TFEC: variants seen among roughly 807,000 people sequenced by gnomAD.
TFEC encodes the protein class E basic helix-loop-helix protein 34.
In TFEC, 31 loss-of-function variants were observed where a neutral mutation model predicts 41.6. The ratio of observed to expected loss-of-function variants is 0.74; its 90% CI spans 0.56 to 1.01. The LOEUF is 1.01. Among genes scored for constraint, TFEC ranks in the 50% least tolerant of loss-of-function variants. TFEC has a pLI of 0.00. For missense variants in TFEC, 402 were observed against 404.1 expected (o/e 0.99, Z 0.04); for synonymous variants, 143 against 140.6 (o/e 1.02, Z -0.12).
intron 1 of TFEC, among the ~76,000 whole-genome samples, chr7:115,993,588 G>A (rs1314857692): frequency 1.3e-5 from 2 of 152,150 alleles, no homozygotes; most frequent in African/African-American, 4.8e-5. Context: ...GCCAAACCAT[G>A]AGTGAACTCC....
chr7:116,091,992 C>A (rs187175890), intron 3 of TFEC, among the ~76,000 whole-genome samples: 4 of 152,216 alleles, frequency 2.6e-5, no homozygotes, highest in East Asian at 1.9e-4. Flanking sequence ...CCAACTTTAG[C>A]CCAGAGCAAA....
chr7:116,051,078 A>T (rs1055229295), intron 3 of TFEC, among the ~76,000 whole-genome samples: 2 of 152,154 alleles, frequency 1.3e-5, no homozygotes, highest in South Asian at 4.1e-4. Flanking sequence ...GTCCTCGCTC[A>T]TAGGTGGGAA....
intron 1 of TFEC, among the ~76,000 whole-genome samples, chr7:115,995,768 C>T (rs1794341139): frequency 2.0e-5 from 3 of 152,120 alleles, no homozygotes; most frequent in Admixed American, 2.0e-4. Flanking sequence ...TATCTGTGCT[C>T]TTGGGGGAGA....
At chr7:115,994,332 C>A (rs919174531) in intron 1 of TFEC, among the ~76,000 whole-genome samples, 2 of 146,698 alleles carry the variant, frequency 1.4e-5, no homozygotes, top group African/African-American at 4.9e-5. Flanking sequence ...AAAGCAATGG[C>A]AACAAAAGCC....
At position 116,156,518 on chromosome 7, in the gene TFEC, T is replaced by C. The variant is rs185501490; in HGVS notation, c.-69+3272A>G. 2.0e-3 allele frequency among the ~76,000 whole-genome samples: 302 copies of C among 152,312 alleles called. No homozygotes were observed. In the Middle Eastern group the frequency reaches 0.02, roughly 10 times the overall value. On this transcript the variant is annotated intron_variant, in intron 1 of 8. Transcript: ENST00000484212. Reference sequence around the variant, plus strand: ...GAATAATTTATTTCATGTGGGCTTCTCCATAACTACACCCATCCTCAGCCT... The same window carrying C: ...GAATAATTTATTTCATGTGGGCTTCCCCATAACTACACCCATCCTCAGCCT...
At chr7:116,034,870 C>A (rs948668710), upstream of TFEC, among the ~76,000 whole-genome samples, 1 of 151,986 alleles carries the variant, frequency 6.6e-6, no homozygotes, top group Non-Finnish European at 1.5e-5. Flanking sequence ...CCTCCTTTAA[C>A]TCTTTGTGGA....
intron 1 of TFEC, among the ~76,000 whole-genome samples, chr7:116,154,083 A>G (rs983507248): frequency 2.0e-5 from 3 of 152,214 alleles, no homozygotes; most frequent in Non-Finnish European, 4.4e-5. Flanking sequence ...GCCTTGAAAC[A>G]GACATTAAGA....
chr7:115,941,010 C>T, intron 7 of TFEC, 79 bp from the exon 8 acceptor site: 6 of 1,315,140 alleles, frequency 4.6e-6, no homozygotes, highest in Non-Finnish European at 6.2e-6. Context: ...GACATAGAAT[C>T]AAAATATTAA....
chr7:115,961,403 A>C (rs1173570278), intron 3 of TFEC, among the ~76,000 whole-genome samples: 2 of 151,378 alleles, frequency 1.3e-5, no homozygotes, highest in African/African-American at 4.9e-5. Context: ...AGAATATGGC[A>C]AAACAATGCT....
At chr7:116,105,330 A>ATGTT (rs1365902318) in intron 3 of TFEC, among the ~76,000 whole-genome samples, 3 of 152,218 alleles carry the variant, frequency 2.0e-5, no homozygotes, top group Non-Finnish European at 4.4e-5. Flanking sequence ...GCTTTAATAA[A>ATGTT]AGTAAATGTT....
At chr7:116,114,477 G>A (rs530958516) in intron 1 of TFEC, among the ~76,000 whole-genome samples, 4 of 152,122 alleles carry the variant, frequency 2.6e-5, no homozygotes, top group South Asian at 2.1e-4. Flanking sequence ...AAGGGCAAGC[G>A]TAAGGGGGAT....
At position 116,152,358 on chromosome 7, in the gene TFEC, A is replaced by G. The variant is rs555254096; in HGVS notation, c.-69+7432T>C. 3.3e-5 allele frequency among the ~76,000 whole-genome samples: 5 copies of G among 152,350 alleles called. No homozygotes were observed. The East Asian group carries it at 9.6e-4, about 29-fold the overall frequency. ...CCAGTGTTCTTTTTGAATTGAGAAG[A>G]CAGAGATGAGAATTTGGGAGGCTCA... On this transcript the variant is annotated intron_variant, in intron 1 of 8. Transcript: ENST00000484212.
chr7:115,991,355 G>C (rs1020904230), intron 1 of TFEC, among the ~76,000 whole-genome samples: 13 of 152,100 alleles, frequency 8.5e-5, no homozygotes, highest in Admixed American at 1.3e-4. Context: ...ATAATGACAG[G>C]ATCAAATTCA....
chr7:115,949,089 C>T (rs376700507), intron 6 of TFEC, among the ~76,000 whole-genome samples: 1 of 152,104 alleles, frequency 6.6e-6, no homozygotes, highest in Non-Finnish European at 1.5e-5. Flanking sequence ...TGAGTGAACT[C>T]CCATTCATAA....
At chr7:116,150,232 TCA>T (rs1798732672) in intron 1 of TFEC, among the ~76,000 whole-genome samples, 3 of 152,306 alleles carry the variant, frequency 2.0e-5, no homozygotes, top group African/African-American at 2.4e-5. Context: ...TTAAAATTGC[TCA>T]GTGTTAATCA....
intron 3 of TFEC, among the ~76,000 whole-genome samples, chr7:116,057,081 T>A (rs2130975771): frequency 6.6e-6 from 1 of 151,870 alleles, no homozygotes; most frequent in South Asian, 2.1e-4. Context: ...CTAGAAAACT[T>A]ACAGACAAAA....
intron 3 of TFEC, among the ~76,000 whole-genome samples, chr7:116,104,298 T>C (rs1797668020): frequency 6.6e-6 from 1 of 152,070 alleles, no homozygotes; most frequent in African/African-American, 2.4e-5. Flanking sequence ...TTTCCTCCAT[T>C]AGTAAGCTCT....
chr7:115,950,567 TAAG>T (rs758729621), intron 6 of TFEC, among the ~76,000 whole-genome samples: 3 of 152,114 alleles, frequency 2.0e-5, no homozygotes, highest in East Asian at 1.9e-4. Context: ...GTCAGCATCA[TAAG>T]TAGTATTTGA....
At chr7:116,156,730 T>C (rs1230773476) in intron 1 of TFEC, among the ~76,000 whole-genome samples, 2 of 152,212 alleles carry the variant, frequency 1.3e-5, no homozygotes, top group Admixed American at 6.5e-5. Flanking sequence ...CCATTTAATA[T>C]GAATAGAGCC....
Sources: allele counts gnomAD v4.1 joint callset (sites outside exome capture counted in the v4.1 genomes callset), GRCh38; gene constraint gnomAD v4.1.1; transcripts MANE v1.5; gene names NCBI Gene and HGNC (gene_info 2026-07-23, HGNC 2026-07-21).